Variants in KCTD1 observed in about 807,000 individuals in gnomAD.
KCTD1 encodes the protein BTB/POZ domain-containing protein KCTD1.
KCTD1 carries 24 observed loss-of-function variants against 66.0 expected under a neutral mutation model. The ratio of observed to expected loss-of-function variants is 0.36; its 90% confidence interval spans 0.26 to 0.51. The LOEUF is 0.51. KCTD1 is among the 20% of genes least tolerant of loss of function. The pLI is 0.95. For missense variants in KCTD1, 943 were observed against 1,205.2 expected (o/e 0.78, Z 3.22); for synonymous variants, 511 against 517.2 (o/e 0.99, Z 0.16).
intron 2 of KCTD1, among the ~76,000 whole-genome samples, chr18:26,478,071 G>A (rs1981441051): frequency 6.6e-6 from 1 of 152,140 alleles, no homozygotes; most frequent in African/African-American, 2.4e-5. Flanking sequence ...CTTACTTGTA[G>A]TGTTTCCAGG....
At chr18:26,623,867 C>T (rs1253492239) in intron 1 of KCTD1, among the ~76,000 whole-genome samples, 1 of 152,076 alleles carries the variant, frequency 6.6e-6, no homozygotes, top group African/African-American at 2.4e-5. Flanking sequence ...ACTTGGAGGG[C>T]TCAGGAGACA....
chr18:26,656,979 C>G (rs1394706642), intron 1 of KCTD1, among the ~76,000 whole-genome samples: 2 of 148,980 alleles, frequency 1.3e-5, no homozygotes, highest in Non-Finnish European at 3.0e-5. Flanking sequence ...GCGGGCGGCT[C>G]TGGCACGGGC....
intron 3 of KCTD1, among the ~76,000 whole-genome samples, chr18:26,460,474 A>T (rs941394078): frequency 1.3e-5 from 2 of 152,302 alleles, no homozygotes; most frequent in African/African-American, 4.8e-5. Context: ...ATGAGGCTAG[A>T]GACAGGCAGG....
intron 1 of KCTD1, among the ~76,000 whole-genome samples, chr18:26,613,687 C>T (rs1690861743): frequency 1.3e-5 from 2 of 152,222 alleles, no homozygotes; most frequent in Admixed American, 6.5e-5. Context: ...AGACTAATGG[C>T]TTTAGTATAT....
chr18:26,570,899 G>A (rs1225891638), intron 1 of KCTD1, among the ~76,000 whole-genome samples: 19 of 152,182 alleles, frequency 1.2e-4, no homozygotes, highest in Admixed American at 1.2e-3. Context: ...ATTATTCTGT[G>A]AGGTTGTCTA....
intron 1 of KCTD1, among the ~76,000 whole-genome samples, chr18:26,540,818 T>C (rs1389095723): frequency 3.3e-5 from 5 of 152,208 alleles, no homozygotes; most frequent in Non-Finnish European, 7.3e-5. Flanking sequence ...AGCAAGCTAT[T>C]AGTTAAGTTT....
intron 2 of KCTD1, among the ~76,000 whole-genome samples, chr18:26,483,243 G>A (rs925570853): frequency 1.3e-5 from 2 of 152,116 alleles, no homozygotes; most frequent in Non-Finnish European, 2.9e-5. Context: ...TAAAAAATCT[G>A]ATTTAAAGAG....
At chr18:26,599,784 G>A (rs1986847606) in intron 1 of KCTD1, 2 of 1,576,244 alleles carry the variant, frequency 1.3e-6, no homozygotes, top group African/African-American at 1.3e-5. Flanking sequence ...TTGTGGAAGT[G>A]AAAGAGCTGC....
chr18:26,649,657 C>T (rs1016902361), intron 1 of KCTD1, among the ~76,000 whole-genome samples: 18 of 152,072 alleles, frequency 1.2e-4, no homozygotes, highest in African/African-American at 3.4e-4. Context: ...TACAGGCACG[C>T]GCCACCACGC....
rs752888696 is a variant in KCTD1, at chr18:26,548,421, C to T, written c.116G>A (p.Gly39Glu). ...GERGEGERGA[G>E]GRGRRHSRPH... is the part of the protein sequence containing the mutation. ...ACGGCTGTGGCGGCGGCCGCGGCCCCCCGCGCCGCGCTCGCCCTCGCCCCG... is the reference window on the plus strand; with the variant it reads ...ACGGCTGTGGCGGCGGCCGCGGCCCTCCGCGCCGCGCTCGCCCTCGCCCCG... The change falls in exon 1 of 5, where the codon GGG (glycine) becomes GAG (glutamate). Residue 39 changes from glycine to glutamate, a missense_variant. Transcript: ENST00000580059. The T allele has an allele frequency of 2.1e-6, 3 of 1,424,724 alleles. No individual in the cohort carries two copies. Among genetic ancestry groups the T allele is most frequent in the Non-Finnish European group, 1.8e-6 (2 of 1,087,344 alleles). 88.3% of individuals were successfully genotyped at this position (1,424,724 alleles called of 1,614,324 possible).
chr18:26,598,125 T>A (rs1164856888), intron 1 of KCTD1, among the ~76,000 whole-genome samples: 1 of 152,198 alleles, frequency 6.6e-6, no homozygotes, highest in Non-Finnish European at 1.5e-5. Context: ...CCTCAACTCC[T>A]AGCAACCACT....
chr18:26,472,420 A>G (rs147522196), intron 3 of KCTD1, among the ~76,000 whole-genome samples: 86 of 152,250 alleles, frequency 5.6e-4, no homozygotes, highest in Middle Eastern at 3.4e-3. Flanking sequence ...AAATTATTTT[A>G]TTGTTTTATT....
At chr18:26,479,145 A>G (rs981886789) in intron 2 of KCTD1, among the ~76,000 whole-genome samples, 55 of 152,268 alleles carry the variant, frequency 3.6e-4, no homozygotes, top group African/African-American at 1.2e-3. Context: ...AGCAAGAGGG[A>G]GATCTGAAGC....
rs75458797 is a variant in KCTD1 at position 26,547,454 on chromosome 18, C to T, written c.1083G>A (p.Ser361=). 1.2e-4 allele frequency: 179 copies of T among 1,551,492 alleles called. No homozygotes were observed. The highest frequency in any genetic ancestry group is 1.5e-4 in the Non-Finnish European group (170 of 1,146,928). The part of the protein sequence containing the change: ...LGPYHKSRSS[S]WSKKRAESSD... ...TGCTCTCGGCGCGCTTCTTGCTCCA[C>T]GACGACGAGCGCGACTTGTGGTAGG... Residue 361 remains serine, a synonymous_variant, in exon 1 of 5, where the codon TCG becomes TCA. Transcript: ENST00000580059.
At chr18:26,591,378 T>C (rs1353951465) in intron 1 of KCTD1, 1 of 152,198 alleles carries the variant, frequency 6.6e-6, no homozygotes, top group Non-Finnish European at 1.5e-5. Flanking sequence ...TACTCATCTT[T>C]TAAGGATAAT....
intron 4 of KCTD1, chr18:26,458,528 CAG>C (rs1251524334): frequency 6.6e-6 from 1 of 152,222 alleles, no homozygotes; most frequent in South Asian, 2.1e-4. Flanking sequence ...ATCAGCAAGA[CAG>C]AGAGGATTAA....
At chr18:26,466,625 A>G (rs962727620) in intron 3 of KCTD1, among the ~76,000 whole-genome samples, 3 of 152,188 alleles carry the variant, frequency 2.0e-5, no homozygotes, top group African/African-American at 7.2e-5. Context: ...CCCAAATGTT[A>G]CTTTGAGCTT....
Position 26,615,863 on chromosome 18 carries a change from T to C in KCTD1, c.-16+13284A>G, listed in dbSNP as rs551229842. ...TGGAGTTCAATGGCACTGTCTCAGCTCACTGCAACCTCTGCCTCCTAGGTT... is the reference window on the plus strand; with the variant it reads ...TGGAGTTCAATGGCACTGTCTCAGCCCACTGCAACCTCTGCCTCCTAGGTT... On this transcript the variant is annotated intron_variant, in intron 1 of 4. Transcript: ENST00000317932. Among the ~76,000 whole-genome samples, 17 of 152,292 alleles carry C rather than the reference T, an allele frequency of 1.1e-4. 1 individual carries two copies. Among genetic ancestry groups the C allele is most frequent in the Middle Eastern group, 3.4e-3 (1 of 294 alleles).
chr18:26,637,630 G>A (rs1194529449), intron 1 of KCTD1, among the ~76,000 whole-genome samples: 2 of 152,202 alleles, frequency 1.3e-5, no homozygotes, highest in African/African-American at 2.4e-5. Flanking sequence ...GTGGGATGAG[G>A]CCTGTTTCTT....
Sources: allele counts gnomAD v4.1 joint callset (sites outside exome capture counted in the v4.1 genomes callset), GRCh38; gene constraint gnomAD v4.1.1; transcripts MANE v1.5; gene names NCBI Gene and HGNC (gene_info 2026-07-23, HGNC 2026-07-21).